Variants in MID1 observed in about 807,000 individuals in gnomAD.
The protein encoded by MID1 is E3 ubiquitin-protein ligase Midline-1.
In MID1, 7 loss-of-function variants were observed where a neutral mutation model predicts 40.4. The ratio of observed to expected loss-of-function variants is 0.17; its 90% CI spans 0.10 to 0.33. The LOEUF is 0.33. Ranked by LOEUF, MID1 falls within the 10% of genes least tolerant of loss-of-function variation. The pLI, the probability that MID1 is intolerant of heterozygous loss-of-function variation, is 1.00. For synonymous variants in MID1, 229 were observed against 221.2 expected (o/e 1.04, Z -0.31); for missense variants, 367 against 558.5 (o/e 0.66, Z 3.46).
intron 2 of MID1, chrX:10,565,475 G>A: frequency 3.0e-6 from 1 of 329,743 alleles, no homozygotes. Flanking sequence ...AAGGAGAGGT[G>A]ATAGAAACCA....
At chrX:10,767,611 G>A (rs2043740114) in intron 1 of MID1, among the ~76,000 whole-genome samples, 1 of 111,954 alleles carries the variant, frequency 8.9e-6, no homozygotes, top group African/African-American at 3.2e-5. Context: ...GAGCCACTGC[G>A]CCTGGCCTTG....
chrX:10,639,697 C>G (rs1936165240), intron 1 of MID1, among the ~76,000 whole-genome samples: 1 of 110,851 alleles, frequency 9.0e-6, no homozygotes, highest in Non-Finnish European at 1.9e-5. Context: ...AGAGCAATTC[C>G]AAGACACATA....
At position 10,616,049 on chromosome X, in the gene MID1, T is replaced by A. The variant is rs760539010; in HGVS notation, c.-57+4241A>T. ...TTGTTCCAAATAAGCAGAGCAATTC[T>A]CTCTGACTCTGCCTCGGGCTCCCTG... On this transcript the variant is annotated intron_variant, in intron 1 of 9. Transcript: ENST00000317552. 3.6e-5 allele frequency among the ~76,000 whole-genome samples: 4 copies of A among 112,179 alleles called. No individual in the cohort carries two copies. The East Asian group carries it at 1.1e-3, about 31-fold the overall frequency.
At chrX:10,699,660 C>T (rs1602524125) in intron 1 of MID1, among the ~76,000 whole-genome samples, 1 of 111,708 alleles carries the variant, frequency 9.0e-6, no homozygotes, top group East Asian at 2.8e-4. Flanking sequence ...CCCTTAGTCT[C>T]TGTGAGGCAA....
chrX:10,522,883 A>G (rs1218029710), intron 3 of MID1, among the ~76,000 whole-genome samples: 1 of 112,452 alleles, frequency 8.9e-6, no homozygotes, highest in African/African-American at 3.2e-5. Context: ...AGGAAGAGCT[A>G]TAATGGGAAT....
intron 2 of MID1, among the ~76,000 whole-genome samples, chrX:10,558,742 C>T (rs1686084403): frequency 8.9e-6 from 1 of 112,698 alleles, no homozygotes; most frequent in South Asian, 3.6e-4. Flanking sequence ...TTTGCTCTCC[C>T]AATTTTCTGT....
intron 1 of MID1, among the ~76,000 whole-genome samples, chrX:10,665,337 A>G (rs1477451039): frequency 1.8e-5 from 2 of 111,552 alleles, no homozygotes; most frequent in African/African-American, 6.5e-5. Flanking sequence ...AAGCTGGGAC[A>G]CCTTCTGGAA....
intron 1 of MID1, among the ~76,000 whole-genome samples, chrX:10,779,442 G>A (rs974567038): frequency 8.9e-6 from 1 of 112,081 alleles, no homozygotes; most frequent in African/African-American, 3.2e-5. Flanking sequence ...CAAAGTGCTG[G>A]GATTACAGGC....
intron 1 of MID1, among the ~76,000 whole-genome samples, chrX:10,703,183 G>GTT (rs2043203408): frequency 8.9e-6 from 1 of 112,100 alleles, no homozygotes. Context: ...CAAACAAAAA[G>GTT]TGTGCCAAGA....
chrX:10,645,054 T>A (rs58508401), intron 1 of MID1, among the ~76,000 whole-genome samples: 15,550 of 111,052 alleles, frequency 0.14, 1,739 homozygotes, highest in African/African-American at 0.38. Context: ...TAAGTACAGT[T>A]AGTTGAGCCG....
intron 3 of MID1, chrX:10,501,296 C>T: frequency 4.0e-6 from 3 of 743,971 alleles, no homozygotes; most frequent in Admixed American, 3.1e-5. Context: ...ATGGTTTTTT[C>T]TCACCTCAAG....
At chrX:10,598,128 T>C (rs1036370177) in intron 1 of MID1, among the ~76,000 whole-genome samples, 23 of 112,117 alleles carry the variant, frequency 2.1e-4, no homozygotes, top group Non-Finnish European at 2.6e-4. Flanking sequence ...CCTAAATTGA[T>C]GGACCACCTG....
chrX:10,731,966 CAAA>C (rs754605735), intron 1 of MID1, among the ~76,000 whole-genome samples: 692 of 26,636 alleles, frequency 0.026, 13 homozygotes, highest in African/African-American at 0.056. Context: ...GAATCTATCA[CAAA>C]AAAAAAAAAA....
At chrX:10,545,571 C>T (rs1331552046) in intron 2 of MID1, among the ~76,000 whole-genome samples, 1 of 111,869 alleles carries the variant, frequency 8.9e-6, no homozygotes, top group Non-Finnish European at 1.9e-5. Context: ...TACAATCATA[C>T]TTTCCTTTAG....
Position 10,446,594 on chromosome X carries a change from G to T in MID1, c.*2774C>A, listed in dbSNP as rs1403233877. 1.8e-5 allele frequency: 2 copies of T among 112,155 alleles called. No individual in the cohort carries two copies. The highest frequency in any genetic ancestry group is 5.6e-4 in the East Asian group (2 of 3,554). The allele number at this position is 112,155 out of a possible 1,213,427, so 9.2% of individuals were successfully genotyped here. On this transcript the variant is annotated 3_prime_UTR_variant, in exon 10 of 10. Transcript: ENST00000317552. ...CCAGCAACTTTCAACTTTGGATCCA[G>T]ATTTCTTTATTTGTATCCACCAGGA...
intron 1 of MID1, among the ~76,000 whole-genome samples, chrX:10,576,194 A>AC (rs1327251681): frequency 9.0e-6 from 1 of 111,457 alleles, no homozygotes; most frequent in Non-Finnish European, 1.9e-5. Flanking sequence ...TTCGCCAAAC[A>AC]CCCACCTGGT....
chrX:10,643,375 A>G (rs1475416406), intron 1 of MID1, among the ~76,000 whole-genome samples: 1 of 112,116 alleles, frequency 8.9e-6, no homozygotes, highest in African/African-American at 3.3e-5. Context: ...GACACTTCTC[A>G]AAAGAAGACA....
chrX:10,760,782 A>T (rs2043672708), intron 1 of MID1, among the ~76,000 whole-genome samples: 1 of 111,787 alleles, frequency 8.9e-6, no homozygotes, highest in Admixed American at 9.5e-5. Context: ...TGATTACACC[A>T]TGTCACTGCA....
chrX:10,560,533 C>T (rs748636342), intron 2 of MID1, among the ~76,000 whole-genome samples: 1 of 111,346 alleles, frequency 9.0e-6, no homozygotes, highest in Non-Finnish European at 1.9e-5. Flanking sequence ...TCTCAGGATA[C>T]AAAATCAATG....
Sources: allele counts gnomAD v4.1 joint callset (sites outside exome capture counted in the v4.1 genomes callset), GRCh38; gene constraint gnomAD v4.1.1; transcripts MANE v1.5; gene names NCBI Gene and HGNC (gene_info 2026-07-23, HGNC 2026-07-21).